The following ALCAM variants were observed in gnomAD, a reference collection of about 807,000 sequenced individuals.
ALCAM encodes activated leukocyte cell adhesion molecule.
In ALCAM, 30 loss-of-function variants were observed where a neutral mutation model predicts 70.9. The ratio of observed to expected loss-of-function variants is 0.42; its 90% CI spans 0.32 to 0.57. The LOEUF is 0.57. Ranked by LOEUF, ALCAM falls within the 20% of genes least tolerant of loss-of-function variation. The probability of loss-of-function intolerance (pLI) is 0.11; values close to 1 mark genes in which losing one functional copy is unlikely to be tolerated. For missense variants in ALCAM, 591 were observed against 695.1 expected, an observed-to-expected ratio of 0.85 and a Z score of 1.68; for synonymous variants, 249 against 242.5, an observed-to-expected ratio of 1.03 and a Z score of -0.25.
intron 1 of ALCAM, among the ~76,000 whole-genome samples, chr3:105,431,608 A>T (rs964372247): frequency 1.3e-5 from 2 of 152,152 alleles, no homozygotes; most frequent in African/African-American, 4.8e-5. Flanking sequence ...GGTGCCAGAA[A>T]CTGCAAAGTC....
intron 1 of ALCAM, among the ~76,000 whole-genome samples, chr3:105,432,822 CA>C (rs1322593579): frequency 2.6e-5 from 4 of 152,078 alleles, no homozygotes; most frequent in African/African-American, 9.7e-5. Context: ...TGCAGAGTTT[CA>C]GCAAAACAAA....
Position 105,441,965 on chromosome 3 carries a change from A to G in ALCAM, c.73+74484A>G, listed in dbSNP as rs1187522677. On this transcript the variant is annotated intron_variant, in intron 1 of 15. Coordinates refer to ENST00000306107, the MANE Select transcript of ALCAM (RefSeq NM_001627.4). ...AGATCATTGCAGCTATCCCTTTCAA[A>G]TAGCATTTAGAATCTATTTTCAGAT... 2.0e-5 allele frequency among the ~76,000 whole-genome samples: 3 copies of G among 152,344 alleles called. No individual in the cohort carries two copies. The East Asian group carries it at 5.8e-4, about 29-fold the overall frequency.
At chr3:105,417,236 G>A (rs1263408176) in intron 1 of ALCAM, among the ~76,000 whole-genome samples, 1 of 151,574 alleles carries the variant, frequency 6.6e-6, no homozygotes, top group Admixed American at 6.6e-5. Flanking sequence ...TTTTCCAGAA[G>A]CTTTCCTGAT....
chr3:105,400,672 C>A (rs1936065159), intron 1 of ALCAM, among the ~76,000 whole-genome samples: 1 of 152,114 alleles, frequency 6.6e-6, no homozygotes, highest in South Asian at 2.1e-4. Context: ...ATACTAAACA[C>A]TCAAGTGTAA....
chr3:105,566,544 TA>T (rs949879810), intron 14 of ALCAM, among the ~76,000 whole-genome samples: 1 of 152,150 alleles, frequency 6.6e-6, no homozygotes, highest in Non-Finnish European at 1.5e-5. Flanking sequence ...TTGAATTACT[TA>T]ATTAAGTTTT....
At chr3:105,394,966 T>C (rs548419164) in intron 1 of ALCAM, among the ~76,000 whole-genome samples, 42 of 152,112 alleles carry the variant, frequency 2.8e-4, no homozygotes, top group Admixed American at 1.4e-3. Flanking sequence ...AGTTTTATAA[T>C]TGGTGAAATA....
At chr3:105,415,611 A>ATT (rs1936488646) in intron 1 of ALCAM, among the ~76,000 whole-genome samples, 1 of 152,104 alleles carries the variant, frequency 6.6e-6, no homozygotes, top group Non-Finnish European at 1.5e-5. Flanking sequence ...TCACACATAA[A>ATT]TTAGTTTTTT....
At chr3:105,566,710 A>G (rs1326006850) in intron 14 of ALCAM, among the ~76,000 whole-genome samples, 6 of 152,106 alleles carry the variant, frequency 3.9e-5, no homozygotes, top group Non-Finnish European at 5.9e-5. Context: ...AACTTCCTCT[A>G]TCTTTGTTGC....
intron 1 of ALCAM, among the ~76,000 whole-genome samples, chr3:105,412,887 C>G (rs985613905): frequency 1.3e-5 from 2 of 151,986 alleles, no homozygotes; most frequent in Admixed American, 6.6e-5. Context: ...TAGAATTTCT[C>G]TCAAGGAAAG....
intron 1 of ALCAM, among the ~76,000 whole-genome samples, chr3:105,481,521 G>A (rs1424871969): frequency 6.6e-6 from 1 of 152,100 alleles, no homozygotes; most frequent in Non-Finnish European, 1.5e-5. Flanking sequence ...AGGTATTGAA[G>A]GACTTAAAAA....
Position 105,547,298 on chromosome 3 carries a change from T to C in ALCAM, c.1240+14T>C. ...TCATTGTAGAAGGTAATAAAATACTTGGGCACTAATTCAAATTGTTCTTTG... is the reference window on the plus strand; with the variant it reads ...TCATTGTAGAAGGTAATAAAATACTCGGGCACTAATTCAAATTGTTCTTTG... On this transcript the variant is annotated intron_variant, in intron 10 of 15. Transcript: ENST00000306107. The C allele has an allele frequency of 6.3e-7, 1 of 1,583,902 alleles. No individual in the cohort carries two copies. Among genetic ancestry groups the C allele is most frequent in the Non-Finnish European group, 8.6e-7 (1 of 1,166,894 alleles).
intron 1 of ALCAM, among the ~76,000 whole-genome samples, chr3:105,448,521 A>G (rs1156595316): frequency 6.6e-6 from 1 of 152,160 alleles, no homozygotes; most frequent in Non-Finnish European, 1.5e-5. Context: ...AGCAATGAGT[A>G]ACCATGGCTC....
chr3:105,526,602 G>C (rs941786277), intron 3 of ALCAM, among the ~76,000 whole-genome samples: 2 of 152,120 alleles, frequency 1.3e-5, no homozygotes, highest in Non-Finnish European at 2.9e-5. Flanking sequence ...TCTTGAAAAT[G>C]GTGTTTTATG....
chr3:105,524,841 A>G, intron 3 of ALCAM: 1 of 1,048,648 alleles, frequency 9.5e-7, no homozygotes, highest in South Asian at 3.9e-5. Context: ...TGTGTGATAC[A>G]TACATAGATA....
intron 1 of ALCAM, among the ~76,000 whole-genome samples, chr3:105,426,968 G>A (rs1936805839): frequency 1.3e-5 from 2 of 151,784 alleles, no homozygotes; most frequent in Non-Finnish European, 2.9e-5. Context: ...TCCTTCTGGG[G>A]AGACATGGAA....
At chr3:105,521,218 G>A (rs551893830) in intron 2 of ALCAM, among the ~76,000 whole-genome samples, 11 of 147,938 alleles carry the variant, frequency 7.4e-5, no homozygotes, top group South Asian at 2.2e-4. Context: ...GGAGAATGGC[G>A]TGAACCCGGG....
intron 1 of ALCAM, among the ~76,000 whole-genome samples, chr3:105,420,093 C>A (rs1025692285): frequency 6.6e-6 from 1 of 151,364 alleles, no homozygotes; most frequent in African/African-American, 2.4e-5. Flanking sequence ...ATTTTAAAGT[C>A]AAAAAAATAG....
chr3:105,412,951 TAAAC>T (rs1429957558), intron 1 of ALCAM, among the ~76,000 whole-genome samples: 13 of 152,108 alleles, frequency 8.5e-5, no homozygotes, highest in Non-Finnish European at 1.8e-4. Context: ...CATCATATAA[TAAAC>T]AAAACATGAT....
At chr3:105,526,578 G>C (rs1293478642) in intron 3 of ALCAM, among the ~76,000 whole-genome samples, 5 of 152,100 alleles carry the variant, frequency 3.3e-5, no homozygotes, top group African/African-American at 1.2e-4. Context: ...AATTTACATA[G>C]ACAAGTTACA....
Sources: allele counts gnomAD v4.1 joint callset (sites outside exome capture counted in the v4.1 genomes callset), GRCh38; gene constraint gnomAD v4.1.1; transcripts MANE v1.5; gene names NCBI Gene and HGNC (gene_info 2026-07-23, HGNC 2026-07-21).